Variants in STAMBP observed in about 807,000 individuals in gnomAD.
The protein encoded by STAMBP is STAM-binding protein.
STAMBP carries 31 observed loss-of-function variants against 50.7 expected under a neutral mutation model. The ratio of observed to expected loss-of-function variants is 0.61; its 90% CI spans 0.46 to 0.83. STAMBP has a LOEUF of 0.83. STAMBP is among the 40% of genes least tolerant of loss of function. The probability of loss-of-function intolerance (pLI) is 0.00; values close to 1 mark genes in which losing one functional copy is unlikely to be tolerated. For missense variants in STAMBP, 472 were observed against 518.9 expected, an observed-to-expected ratio of 0.91 and a Z score of 0.88; for synonymous variants, 211 against 192.4, an observed-to-expected ratio of 1.10 and a Z score of -0.80.
At chr2:73,844,621 GAA>G (rs955231931) in intron 2 of STAMBP, 190 bp from the exon 3 acceptor site, 2 of 405,350 alleles carry the variant, frequency 4.9e-6, no homozygotes, top group Non-Finnish European at 8.8e-6. Context: ...GGGAGTAGAG[GAA>G]AAGACTCTGG....
chr2:73,872,291 G>A (rs1019977431), intron 10 of STAMBP, among the ~76,000 whole-genome samples: 1 of 152,160 alleles, frequency 6.6e-6, no homozygotes, highest in African/African-American at 2.4e-5. Flanking sequence ...GTGGCAGAAG[G>A]GGAAGTAGAT....
intron 2 of STAMBP, among the ~76,000 whole-genome samples, chr2:73,832,108 T>TATATATATATATACACACAC (rs1006072205): frequency 7.3e-5 from 9 of 122,902 alleles, no homozygotes; most frequent in African/African-American, 2.8e-4. Flanking sequence ...TATATATATA[T>TATATATATATATACACACAC]ACACATATAT....
Position 73,830,967 on chromosome 2 carries a change from C to G in STAMBP, c.111C>G (p.Phe37Leu), listed in dbSNP as rs1343117555. 3.7e-6 allele frequency: 6 copies of G among 1,614,190 alleles called. No homozygotes were observed. Among genetic ancestry groups the G allele is most frequent in the Non-Finnish European group, 5.1e-6 (6 of 1,180,026 alleles). The change falls in exon 2 of 10, where the codon TTC (phenylalanine) becomes TTG (leucine). Residue 37 changes from phenylalanine (F) to leucine (L), a missense_variant. Coordinates refer to ENST00000394070, the MANE Select transcript of STAMBP (RefSeq NM_213622.4). ...AAGACATTCCACCCCGTCGGTACTT[C>G]CGCTCTGGAGTTGAGATTATCCGAA... The part of the protein sequence containing the change: ...VNEDIPPRRY[F>L]RSGVEIIRMA...
At position 73,862,468 on chromosome 2, in the gene STAMBP, C is replaced by CA. The variant is rs1185255385; in HGVS notation, c.*213dup. The stretch of plus-strand genomic sequence containing the variant: ...AAGTCAGAAAGAGAACATGGTCACC[C>CA]AAAAGCAACTGTAACTCAGAAATTA... On this transcript the variant is annotated 3_prime_UTR_variant, in exon 10 of 10. Transcript: ENST00000394070. 1 of 374,058 alleles carries CA rather than the reference C, an allele frequency of 2.7e-6. No individual in the cohort carries two copies. The highest frequency in any genetic ancestry group is 4.4e-5 in the Admixed American group (1 of 22,918). The allele number at this position is 374,058 out of a possible 1,614,324, so 23.2% of individuals were successfully genotyped here.
chr2:73,838,676 C>T (rs1267997420), intron 2 of STAMBP, among the ~76,000 whole-genome samples: 1 of 152,134 alleles, frequency 6.6e-6, no homozygotes, highest in East Asian at 1.9e-4. Context: ...TTAGTGTTAA[C>T]AGCAAGACTG....
intron 2 of STAMBP, among the ~76,000 whole-genome samples, chr2:73,834,519 C>T (rs1022894297): frequency 6.6e-6 from 1 of 151,662 alleles, no homozygotes; most frequent in African/African-American, 2.4e-5. Flanking sequence ...TCTTCATCCT[C>T]GTCATCTTCA....
chr2:73,853,002 G>A (rs1293560787), intron 7 of STAMBP, among the ~76,000 whole-genome samples: 2 of 149,746 alleles, frequency 1.3e-5, no homozygotes, highest in Admixed American at 6.7e-5. Context: ...GGCTGGTCTC[G>A]AAATCCTGAC....
intron 2 of STAMBP, among the ~76,000 whole-genome samples, chr2:73,843,254 G>A (rs1439033408): frequency 6.9e-6 from 1 of 145,074 alleles, no homozygotes. Context: ...CTGGAGTGCA[G>A]TGGTGTGATC....
chr2:73,855,267 C>T (rs1001344907), intron 7 of STAMBP, among the ~76,000 whole-genome samples: 1 of 152,212 alleles, frequency 6.6e-6, no homozygotes, highest in African/African-American at 2.4e-5. Flanking sequence ...AGCATTCACC[C>T]TCCTTGCTCA....
At chr2:73,843,969 G>A (rs1313595732) in intron 2 of STAMBP, among the ~76,000 whole-genome samples, 1 of 152,198 alleles carries the variant, frequency 6.6e-6, no homozygotes, top group Non-Finnish European at 1.5e-5. Context: ...AATCCGTATG[G>A]AAGAAGTATG....
rs541246956 is a variant in STAMBP at position 73,838,371 on chromosome 2, C to T, written c.204-6442C>T. 3.3e-5 allele frequency among the ~76,000 whole-genome samples: 5 copies of T among 152,132 alleles called. No individual in the cohort carries two copies. In the East Asian group the frequency reaches 7.7e-4, roughly 23 times the overall value. On this transcript the variant is annotated intron_variant, in intron 2 of 9. Transcript: ENST00000394070. ...CACACCAGCTGTAGTTTGCCAACCC[C>T]GGTATAGACAACTCTTTGGAGAAGT...
chr2:73,858,748 C>G (rs1677906540), intron 7 of STAMBP, among the ~76,000 whole-genome samples: 1 of 152,162 alleles, frequency 6.6e-6, no homozygotes, highest in South Asian at 2.1e-4. Flanking sequence ...AAGGAGCTTC[C>G]TTACTTATTA....
intron 2 of STAMBP, among the ~76,000 whole-genome samples, chr2:73,833,830 T>C (rs1483340024): frequency 6.6e-6 from 1 of 152,076 alleles, no homozygotes; most frequent in African/African-American, 2.4e-5. Flanking sequence ...TTTATAGGTA[T>C]GGGAGAAGAC....
At position 73,850,247 on chromosome 2, in the gene STAMBP, G is replaced by C; in HGVS notation, c.868-129G>C. The C allele has an allele frequency of 8.1e-7, 1 of 1,233,740 alleles. No homozygotes were observed. The highest frequency in any genetic ancestry group is 1.1e-6 in the Non-Finnish European group (1 of 894,948). 76.4% of individuals were successfully genotyped at this position (1,233,740 alleles called of 1,614,324 possible). A position where few individuals can be genotyped will look rare whatever the true frequency, so the allele number is the denominator to read the frequency against. On this transcript the variant is annotated intron_variant, in intron 6 of 9. Transcript: ENST00000394070. This position sits in a 1 kb window ranked among gnomAD's most constrained non-coding sequence, Gnocchi z 4.3. ...CAGCCAAGGTTGTGAACCACTGAGT[G>C]GCAGGACTCCTGCTGTGTGGGAAGG...
chr2:73,859,159 A>G (rs548485104), intron 7 of STAMBP, 95 bp from the exon 8 acceptor site: 1 of 895,268 alleles, frequency 1.1e-6, no homozygotes, highest in Admixed American at 1.8e-5. Context: ...TGCAGTTGAT[A>G]TGGATAGCTT....
chr2:73,849,567 A>G (rs1676551759), intron 6 of STAMBP, 80 bp downstream of exon 6: 3 of 1,505,716 alleles, frequency 2.0e-6, no homozygotes, highest in Admixed American at 4.6e-5. Context: ...ACTCTCAGAG[A>G]AAATATCCAG....
intron 7 of STAMBP, chr2:73,855,729 C>T: frequency 4.4e-6 from 2 of 455,996 alleles, no homozygotes; most frequent in South Asian, 1.5e-5. Flanking sequence ...GCTTCTTCCA[C>T]AGTGAGCTCA....
chr2:73,850,832 C>G lies in STAMBP; in HGVS notation c.1005+319C>G, dbSNP rs971540712. Among the ~76,000 whole-genome samples the G allele has an allele frequency of 3.9e-5, 6 of 152,158 alleles. No individual in the cohort carries two copies. Among genetic ancestry groups the G allele is most frequent in the African/African-American group, 1.4e-4 (6 of 41,428 alleles). ...TATAAGTGGACATTGACCTTAGAGA[C>G]TATGCCTACTGTGTACAGATGATGT... On this transcript the variant is annotated intron_variant, in intron 7 of 9. Coordinates refer to ENST00000394070, the MANE Select transcript of STAMBP (RefSeq NM_213622.4). The surrounding 1 kb of genome is among the most constrained non-coding windows in gnomAD (Gnocchi z 4.3).
chr2:73,871,222 A>G (rs1679185562), downstream of STAMBP, among the ~76,000 whole-genome samples: 3 of 152,156 alleles, frequency 2.0e-5, no homozygotes, highest in Non-Finnish European at 4.4e-5. Flanking sequence ...AAACCACATA[A>G]TGAAAATAGA....
Sources: gnomAD v4.1 joint callset for allele counts (sites outside exome capture counted in the v4.1 genomes callset) on GRCh38, gnomAD v4.1.1 for gene constraint, Gnocchi (gnomAD v3.1) non-coding constraint, MANE v1.5 for transcripts, NCBI Gene and HGNC (gene_info 2026-07-23, HGNC 2026-07-21) for gene names.